IL31RA: variants seen among roughly 807,000 people sequenced by gnomAD.
IL31RA encodes the protein interleukin 31 receptor A.
Under a neutral mutation model 83.7 loss-of-function variants are expected in IL31RA, and 66 were observed. The observed-to-expected ratio is 0.79, with a 90% CI of 0.65 to 0.97. The LOEUF (loss-of-function observed/expected upper bound fraction) is 0.97, where lower values mean the gene tolerates loss of function less well. Among genes scored for constraint, IL31RA ranks in the 50% least tolerant of loss-of-function variants. The probability of loss-of-function intolerance (pLI) is 0.00; values close to 1 mark genes in which losing one functional copy is unlikely to be tolerated. For synonymous variants in IL31RA, 325 were observed against 329.0 expected (o/e 0.99, Z 0.13); for missense variants, 798 against 919.4 (o/e 0.87, Z 1.71).
At chr5:55,853,498 G>A in intron 1 of IL31RA, 1 of 1,550,602 alleles carries the variant, frequency 6.4e-7, no homozygotes, top group Non-Finnish European at 8.7e-7. Flanking sequence ...GCTGTGGGAG[G>A]TGGAGTTGCC....
chr5:55,853,524 T>C, intron 1 of IL31RA: 1 of 1,551,038 alleles, frequency 6.4e-7, no homozygotes, highest in Non-Finnish European at 8.7e-7. Context: ...TGCAAATCCT[T>C]TGAGCCAGCA....
chr5:55,853,788 T>G (rs1745198567), intron 1 of IL31RA, among the ~76,000 whole-genome samples: 1 of 152,084 alleles, frequency 6.6e-6, no homozygotes, highest in Admixed American at 6.6e-5. Flanking sequence ...GGTGAAGGAT[T>G]GGGGAAAATA....
intron 11 of IL31RA, among the ~76,000 whole-genome samples, chr5:55,909,832 G>A (rs1749388651): frequency 6.6e-6 from 1 of 151,972 alleles, no homozygotes. Context: ...AGCCTCCCAA[G>A]TAGCTGGGAT....
intron 5 of IL31RA, among the ~76,000 whole-genome samples, chr5:55,886,731 C>T (rs551145836): frequency 2.0e-5 from 3 of 152,364 alleles, no homozygotes; most frequent in South Asian, 4.1e-4. Flanking sequence ...GATCCCTTCA[C>T]GCTCTTGCTC....
chr5:55,908,496 C>T (rs746053080), intron 11 of IL31RA, 85 bp downstream of exon 11: 4 of 1,612,978 alleles, frequency 2.5e-6, no homozygotes, highest in South Asian at 2.2e-5. Flanking sequence ...ATGGCTCCCC[C>T]ATCTCATTGT....
Position 55,906,279 on chromosome 5 carries a change from A to G in IL31RA, c.1243A>G (p.Ile415Val). 1.2e-6 allele frequency: 2 copies of G among 1,614,034 alleles called. No homozygotes were observed. The highest frequency in any genetic ancestry group is 1.7e-6 in the Non-Finnish European group (2 of 1,180,016). ...ESVSQATNWT[I>V]QQDKLKPFWC... Reference sequence around the variant, plus strand: ...TGTGTCTCAGGCCACGAACTGGACGATCCAGCAAGGTAGCCAGGGCGGAAC... The same window carrying G: ...TGTGTCTCAGGCCACGAACTGGACGGTCCAGCAAGGTAGCCAGGGCGGAAC... The change falls in exon 9 of 15, where the codon ATC becomes GTC. Residue 415 changes from isoleucine (I) to valine (V), a missense_variant. Physicochemically the swap from Ile to Val is conservative, Grantham distance 29. Coordinates refer to ENST00000652347, the MANE Select transcript of IL31RA (RefSeq NM_139017.7).
intron 2 of IL31RA, among the ~76,000 whole-genome samples, chr5:55,867,180 CAT>C (rs1178832721): frequency 4.2e-5 from 1 of 23,672 alleles, no homozygotes; most frequent in African/African-American, 1.4e-4. Context: ...TGTGTGTGTG[CAT>C]GTGTGTTTGT....
At chr5:55,888,201 G>A (rs1747754956) in intron 5 of IL31RA, among the ~76,000 whole-genome samples, 1 of 152,228 alleles carries the variant, frequency 6.6e-6, no homozygotes, top group African/African-American at 2.4e-5. Context: ...TAATGTTTTA[G>A]TAGGGTTCCA....
intron 1 of IL31RA, among the ~76,000 whole-genome samples, chr5:55,856,782 G>T (rs1745389490): frequency 2.0e-5 from 3 of 152,176 alleles, no homozygotes; most frequent in Admixed American, 6.5e-5. Flanking sequence ...TCCTTTCGTA[G>T]ATAGTACTGG....
At chr5:55,869,113 A>G (rs552419975) in intron 3 of IL31RA, among the ~76,000 whole-genome samples, 47 of 152,308 alleles carry the variant, frequency 3.1e-4, no homozygotes, top group Middle Eastern at 6.8e-3. Context: ...CTCCTCCTGG[A>G]TTCCCCATTG....
intron 13 of IL31RA, among the ~76,000 whole-genome samples, chr5:55,914,301 A>C (rs563087241): frequency 6.6e-6 from 1 of 152,190 alleles, no homozygotes; most frequent in Non-Finnish European, 1.5e-5. Context: ...ATTCTTGTAC[A>C]TTATGCACTT....
intron 11 of IL31RA, chr5:55,908,665 C>A: frequency 1.3e-6 from 2 of 1,518,028 alleles, no homozygotes; most frequent in South Asian, 2.5e-5. Flanking sequence ...TATAATTTGT[C>A]CTGGTTAGGC....
chr5:55,844,291 T>A, the IL31RA span, among the ~76,000 whole-genome samples: 1 of 152,088 alleles, frequency 6.6e-6, no homozygotes. Flanking sequence ...CGGACAAAAA[T>A]TGAGATAATT....
intron 1 of IL31RA, among the ~76,000 whole-genome samples, chr5:55,852,576 G>T (rs529719147): frequency 1.3e-5 from 2 of 152,300 alleles, no homozygotes; most frequent in South Asian, 4.1e-4. Flanking sequence ...GGAAGATGGG[G>T]AATGGGTTAA....
Position 55,906,292 on chromosome 5 carries a change from G to T in IL31RA, c.1252+4G>T. On this transcript the variant is annotated splice_donor_region_variant and intron_variant, in intron 9 of 14. Transcript: ENST00000652347. ...ACGAACTGGACGATCCAGCAAGGTAGCCAGGGCGGAACTCACAGGTTCCCT... is the reference window on the plus strand; with the variant it reads ...ACGAACTGGACGATCCAGCAAGGTATCCAGGGCGGAACTCACAGGTTCCCT... The T allele has an allele frequency of 1.2e-6, 2 of 1,613,774 alleles. No individual in the cohort carries two copies. Among genetic ancestry groups the T allele is most frequent in the Admixed American group, 1.7e-5 (1 of 60,032 alleles).
intron 9 of IL31RA, among the ~76,000 whole-genome samples, chr5:55,906,723 T>C (rs324454): frequency 0.64 from 97,553 of 152,114 alleles, 32,136 homozygotes; most frequent in East Asian, 0.81. Context: ...ACGTAAGATA[T>C]GCGAGTGAGG....
intron 7 of IL31RA, among the ~76,000 whole-genome samples, chr5:55,898,594 AAT>A (rs1456110769): frequency 1.3e-5 from 2 of 150,026 alleles, no homozygotes; most frequent in African/African-American, 4.9e-5. Flanking sequence ...ATAACATATT[AAT>A]ATGTTATTTT....
chr5:55,905,379 C>T (rs1749084734), intron 8 of IL31RA, among the ~76,000 whole-genome samples: 1 of 152,162 alleles, frequency 6.6e-6, no homozygotes, highest in African/African-American at 2.4e-5. Flanking sequence ...GCTGCACCTC[C>T]AAGAGTTCTC....
chr5:55,873,480 C>A (rs1339696000), intron 4 of IL31RA, among the ~76,000 whole-genome samples: 1 of 152,064 alleles, frequency 6.6e-6, no homozygotes, highest in African/African-American at 2.4e-5. Flanking sequence ...AACTGCTAAA[C>A]TTTATCAAAG....
Sources: gnomAD v4.1 joint callset for allele counts (sites outside exome capture counted in the v4.1 genomes callset) on GRCh38, gnomAD v4.1.1 for gene constraint, MANE v1.5 for transcripts, NCBI Gene and HGNC (gene_info 2026-07-23, HGNC 2026-07-21) for gene names.